The following SPTB variants were observed in gnomAD, a reference collection of about 807,000 sequenced individuals.
SPTB encodes spectrin beta, erythrocytic, also known as spectrin beta chain, erythrocytic.
A neutral mutation model predicts 256.2 loss-of-function variants in SPTB; 45 were observed. The ratio of observed to expected loss-of-function variants is 0.18; its 90% CI spans 0.14 to 0.23. The LOEUF is 0.23. Ranked by LOEUF, SPTB falls within the 10% of genes least tolerant of loss-of-function variation. The probability of loss-of-function intolerance (pLI) is 1.00; values close to 1 mark genes in which losing one functional copy is unlikely to be tolerated. For synonymous variants in SPTB, 1,231 were observed against 1,243.1 expected, an observed-to-expected ratio of 0.99 and a Z score of 0.21; for missense variants, 2,715 against 3,040.4, an observed-to-expected ratio of 0.89 and a Z score of 2.52.
Position 64,795,701 on chromosome 14 carries a change from C to T in SPTB, c.1342-62G>A. The T allele has an allele frequency of 1.3e-6, 2 of 1,564,838 alleles. No individual in the cohort carries two copies. Among genetic ancestry groups the T allele is most frequent in the Non-Finnish European group, 1.8e-6 (2 of 1,138,886 alleles). ...ACACCCAGGGGCTCATCCCCAAACT[C>T]AGGGACAGGGCAGCTCCCTTCAGAA... On this transcript the variant is annotated intron_variant, in intron 11 of 35. Coordinates refer to ENST00000644917, the MANE Select transcript of SPTB (RefSeq NM_001355436.2). The surrounding 1 kb of genome is among the most constrained non-coding windows in gnomAD (Gnocchi z 6.5).
intron 23 of SPTB, among the ~76,000 whole-genome samples, chr14:64,774,891 T>C (rs1439110711): frequency 6.6e-6 from 1 of 152,126 alleles, no homozygotes. Flanking sequence ...AGAGAACCCT[T>C]GGGTTAGAGC....
chr14:64,853,473 C>T lies in SPTB; in HGVS notation c.-52+26319G>A, dbSNP rs577984037. The stretch of plus-strand genomic sequence containing the variant: ...AAGCAAGGAGCAAACAACACTGTCC[C>T]ATATCCCAGAGAGCCTTAGTGATTC... On this transcript the variant is annotated intron_variant, in intron 1 of 35. Coordinates refer to ENST00000644917, the MANE Select transcript of SPTB (RefSeq NM_001355436.2). This position sits in a 1 kb window ranked among gnomAD's most constrained non-coding sequence, Gnocchi z 4.3. Among the ~76,000 whole-genome samples, 64 of 152,286 alleles carry T rather than the reference C, an allele frequency of 4.2e-4. No homozygotes were observed. Among genetic ancestry groups the T allele is most frequent in the African/African-American group, 1.5e-3 (61 of 41,546 alleles).
Position 64,771,016 on chromosome 14 carries a change from G to A in SPTB, c.5667C>T (p.Leu1889=), listed in dbSNP as rs778444530. The A allele has an allele frequency of 2.0e-5, 32 of 1,614,030 alleles. No individual in the cohort carries two copies. Among genetic ancestry groups the A allele is most frequent in the South Asian group, 2.2e-5 (2 of 91,088 alleles). ...QEVSAAWQAL[L]DACAGRRTQL... ...GGGTCCGGCGCCCGGCACAGGCATC[G>A]AGCAGCGCCTGCCACGCGGCAGACA... Residue 1889 remains leucine, a synonymous_variant, in exon 27 of 36, where the codon CTC becomes CTT. Coordinates refer to ENST00000644917, the MANE Select transcript of SPTB (RefSeq NM_001355436.2).
intron 7 of SPTB, 70 bp from the exon 8 acceptor site, chr14:64,800,938 TC>T: frequency 8.5e-7 from 1 of 1,173,460 alleles, no homozygotes; most frequent in Non-Finnish European, 1.3e-6. Context: ...GAGGGTTTAT[TC>T]CCCATTCCTC....
chr14:64,810,047 T>C (rs1342898707), intron 2 of SPTB, among the ~76,000 whole-genome samples: 2 of 152,102 alleles, frequency 1.3e-5, no homozygotes, highest in Non-Finnish European at 2.9e-5. Context: ...CAACCACAAA[T>C]AGGAATATTC....
chr14:64,767,285 C>T lies in SPTB; in HGVS notation c.6269+18G>A. 6.2e-7 allele frequency: 1 copy of T among 1,613,862 alleles called. No homozygotes were observed. Among genetic ancestry groups the T allele is most frequent in the Non-Finnish European group, 8.5e-7 (1 of 1,180,014 alleles). The stretch of plus-strand genomic sequence containing the variant: ...TTGGCAGAGCATTCAGCTCCCTGGA[C>T]ACACGGCCACCACTCACCCAGTCTC... On this transcript the variant is annotated intron_variant, in intron 31 of 35. Coordinates refer to ENST00000644917, the MANE Select transcript of SPTB (RefSeq NM_001355436.2).
chr14:64,750,411 G>A (rs2139419614), intron 33 of SPTB, among the ~76,000 whole-genome samples: 1 of 151,896 alleles, frequency 6.6e-6, no homozygotes, highest in East Asian at 1.9e-4. Context: ...ACTGGGTTAT[G>A]GATATATTCA....
At chr14:64,834,337 T>C (rs371187920) in intron 1 of SPTB, among the ~76,000 whole-genome samples, 3 of 151,270 alleles carry the variant, frequency 2.0e-5, no homozygotes, top group Non-Finnish European at 1.5e-5. Context: ...CAACCACACA[T>C]TGTTAACCAC....
intron 1 of SPTB, among the ~76,000 whole-genome samples, chr14:64,834,862 A>C (rs1254675150): frequency 6.6e-6 from 1 of 152,188 alleles, no homozygotes; most frequent in African/African-American, 2.4e-5. Context: ...TACCTTACTT[A>C]GTTGAGAAGT....
Position 64,823,045 on chromosome 14 carries a change from C to T in SPTB, c.50G>A (p.Ser17Asn). ...GGCGTCCCAGCGGGCATTGATCCTG[C>T]TGTAAGGTGGCTGGTTGCCCACATT... is the stretch of plus-strand genomic sequence containing the variant. ...FENVGNQPPY[S>N]RINARWDAPD... Residue 17 changes from serine to asparagine, a missense_variant, in exon 2 of 36, where the codon AGC becomes AAC. Physicochemically the swap from Ser to Asn is conservative, Grantham distance 46 (BLOSUM62 1). Transcript: ENST00000644917. This position sits in a 1 kb window ranked among gnomAD's most constrained non-coding sequence, Gnocchi z 6.5. The T allele has an allele frequency of 6.2e-7, 1 of 1,614,196 alleles. No individual in the cohort carries two copies. Among genetic ancestry groups the T allele is most frequent in the South Asian group, 1.1e-5 (1 of 91,076 alleles).
In SPTB at chr14:64,772,584, A is replaced by C. The variant is rs751142647; in HGVS notation, c.5549T>G (p.Val1850Gly). The change falls in exon 26 of 36, where the codon GTC becomes GGC. Residue 1850 changes from valine (V) to glycine (G), a missense_variant. Coordinates refer to ENST00000644917, the MANE Select transcript of SPTB (RefSeq NM_001355436.2). This position sits in a 1 kb window ranked among gnomAD's most constrained non-coding sequence, Gnocchi z 5.4. ...GCGGCAGGGGGCTGAAGGTACCTGGACACCCAGCAGGTGGAGCTCCCGCTC... is the reference window on the plus strand; with the variant it reads ...GCGGCAGGGGGCTGAAGGTACCTGGCCACCCAGCAGGTGGAGCTCCCGCTC... ...AFERELHLLG[V>G]QVQQFQDVAT... 1 of 1,606,756 alleles carries C rather than the reference A, an allele frequency of 6.2e-7. No individual in the cohort carries two copies. Among genetic ancestry groups the C allele is most frequent in the Non-Finnish European group, 8.5e-7 (1 of 1,179,890 alleles).
chr14:64,800,228 G>A (rs940449274), intron 8 of SPTB, among the ~76,000 whole-genome samples: 2 of 152,246 alleles, frequency 1.3e-5, no homozygotes, highest in Non-Finnish European at 2.9e-5. Context: ...GTGCCAGGAT[G>A]CCAGCCACTA....
rs1267592323 is a variant in SPTB at position 64,785,735 on chromosome 14, G to A, written c.3764+14C>T. ...TGGCTCTGGGGGCCTCGTGGCCCTGGGGCCCGGGAGTACCTGTCCTCAATC... is the reference window on the plus strand; with the variant it reads ...TGGCTCTGGGGGCCTCGTGGCCCTGAGGCCCGGGAGTACCTGTCCTCAATC... On this transcript the variant is annotated intron_variant, in intron 17 of 35. Transcript: ENST00000644917. The surrounding 1 kb of genome is among the most constrained non-coding windows in gnomAD (Gnocchi z 4.4). 2 of 1,614,086 alleles carry A rather than the reference G, an allele frequency of 1.2e-6. No homozygotes were observed. The highest frequency in any genetic ancestry group is 1.1e-5 in the South Asian group (1 of 91,088).
rs1269000230 is a variant in SPTB at position 64,782,476 on chromosome 14, G to A, written c.4080C>T (p.Leu1360=). 2 of 1,614,062 alleles carry A rather than the reference G, an allele frequency of 1.2e-6. No individual in the cohort carries two copies. The highest frequency in any genetic ancestry group is 1.7e-6 in the Non-Finnish European group (2 of 1,180,050). The change falls in exon 20 of 36, where the codon CTC becomes CTT. Residue 1360 remains leucine (L), a synonymous_variant. Coordinates refer to ENST00000644917, the MANE Select transcript of SPTB (RefSeq NM_001355436.2). ...VSQKLEALHR[L]WDELQATTKE... ...TTGTGGTGGCCTGCAGCTCGTCCCA[G>A]AGCCGGTGCAGGGCTTCCAGCTTTT...
chr14:64,752,087 C>A, intron 33 of SPTB: 1 of 1,007,532 alleles, frequency 9.9e-7, no homozygotes, highest in Non-Finnish European at 1.3e-6. Context: ...GAGTGAGACT[C>A]TGTCTAAACA....
chr14:64,798,127 G>A (rs1441266599), intron 9 of SPTB, among the ~76,000 whole-genome samples: 1 of 152,202 alleles, frequency 6.6e-6, no homozygotes, highest in Non-Finnish European at 1.5e-5. Context: ...TACATGGGAA[G>A]CTGAGGTATT....
At chr14:64,828,670 CTCT>C (rs1594821195) in intron 1 of SPTB, among the ~76,000 whole-genome samples, 1 of 152,340 alleles carries the variant, frequency 6.6e-6, no homozygotes, top group East Asian at 1.9e-4. Flanking sequence ...GTCCTACCTC[CTCT>C]TATCTCTCTC....
rs1009312376 is a variant in SPTB at position 64,824,916 on chromosome 14, C to T, written c.-51-1771G>A. Among the ~76,000 whole-genome samples, 1 of 152,170 alleles carries T rather than the reference C, an allele frequency of 6.6e-6. No individual in the cohort carries two copies. The highest frequency in any genetic ancestry group is 2.4e-5 in the African/African-American group (1 of 41,438). ...GTAAGATAGGAGCCAGGATTACCCA[C>T]CCTAATTGCCTTGGGAGAAAAACCA... On this transcript the variant is annotated intron_variant, in intron 1 of 35. Coordinates refer to ENST00000644917, the MANE Select transcript of SPTB (RefSeq NM_001355436.2). This position sits in a 1 kb window ranked among gnomAD's most constrained non-coding sequence, Gnocchi z 5.7.
intron 27 of SPTB, among the ~76,000 whole-genome samples, chr14:64,770,124 A>C (rs2082255505): frequency 1.3e-5 from 2 of 152,244 alleles, no homozygotes; most frequent in East Asian, 3.8e-4. Flanking sequence ...AGAACAGGCA[A>C]ATCTAGAGAG....
Sources: allele counts gnomAD v4.1 joint callset (sites outside exome capture counted in the v4.1 genomes callset), GRCh38; gene constraint gnomAD v4.1.1; non-coding constraint Gnocchi (gnomAD v3.1); transcripts MANE v1.5; gene names NCBI Gene and HGNC (gene_info 2026-07-23, HGNC 2026-07-21).